The following KIRREL3 variants were observed in gnomAD, a reference collection of about 807,000 sequenced individuals.
KIRREL3 encodes the protein kirre like nephrin family adhesion molecule 3, also known as kin of IRRE-like protein 3.
KIRREL3 carries 36 observed loss-of-function variants against 89.7 expected under a neutral mutation model. The ratio of observed to expected loss-of-function variants is 0.40; its 90% CI spans 0.31 to 0.53. KIRREL3 has a LOEUF of 0.53. Among genes scored for constraint, KIRREL3 ranks in the 20% least tolerant of loss-of-function variants. KIRREL3 has a pLI of 0.49. For missense variants in KIRREL3, 864 were observed against 1,056.6 expected (o/e 0.82, Z 2.53); for synonymous variants, 445 against 441.4 (o/e 1.01, Z -0.10).
At chr11:126,552,630 C>T (rs1939376144) in intron 2 of KIRREL3, among the ~76,000 whole-genome samples, 1 of 127,964 alleles carries the variant, frequency 7.8e-6, no homozygotes, top group East Asian at 2.6e-4. Context: ...GGCACAATCT[C>T]GGCTCACTGA....
chr11:126,857,046 G>A (rs1012970085), intron 1 of KIRREL3, among the ~76,000 whole-genome samples: 4 of 152,178 alleles, frequency 2.6e-5, no homozygotes, highest in Non-Finnish European at 5.9e-5. Flanking sequence ...TCACATTTAC[G>A]TGCACCTATG....
rs1392045510 is a variant in KIRREL3, at chr11:126,948,792, T to C, written c.55+51663A>G. Among the ~76,000 whole-genome samples the C allele has an allele frequency of 6.6e-6, 1 of 152,168 alleles. No homozygotes were observed. Among genetic ancestry groups the C allele is most frequent in the Non-Finnish European group, 1.5e-5 (1 of 68,034 alleles). On this transcript the variant is annotated intron_variant, in intron 1 of 16. Transcript: ENST00000525144. This position sits in a 1 kb window ranked among gnomAD's most constrained non-coding sequence, Gnocchi z 4.5. ...AACTCCAGCAAGGCAGACAGCTGGA[T>C]ATGGGGAGGAGTTCAGAAGCCAGGG...
rs1291392292 is a variant in KIRREL3 at position 126,558,695 on chromosome 11, C to T, written c.133+4140G>A. 6.6e-6 allele frequency among the ~76,000 whole-genome samples: 1 copy of T among 152,158 alleles called. No homozygotes were observed. The highest frequency in any genetic ancestry group is 2.4e-5 in the African/African-American group (1 of 41,434). ...CTGATACATGTGACAGCCTTCTACT[C>T]TGCCTGGGAATAGGATCAGGTCTGG... On this transcript the variant is annotated intron_variant, in intron 2 of 16. Transcript: ENST00000525144. The surrounding 1 kb of genome is among the most constrained non-coding windows in gnomAD (Gnocchi z 4.0).
chr11:126,792,504 C>T (rs911934663), intron 1 of KIRREL3, among the ~76,000 whole-genome samples: 5 of 152,178 alleles, frequency 3.3e-5, no homozygotes, highest in African/African-American at 1.2e-4. Flanking sequence ...CCACTGGACT[C>T]TTAAGTTGAA....
chr11:126,995,433 C>T lies in KIRREL3; in HGVS notation c.55+5022G>A. ...AGTGCCTCTCTGTTTCTTGATGGAC[C>T]CCAATAAAAAAACGCCTGCACTGTT... On this transcript the variant is annotated intron_variant, in intron 1 of 16. Transcript: ENST00000525144. The surrounding 1 kb of genome is among the most constrained non-coding windows in gnomAD (Gnocchi z 6.5). The T allele has an allele frequency of 2.4e-6, 1 of 411,220 alleles. No individual in the cohort carries two copies. 25.5% of individuals were successfully genotyped at this position (411,220 alleles called of 1,614,324 possible). A position where few individuals can be genotyped will look rare whatever the true frequency, so the allele number is the denominator to read the frequency against.
rs1431297051 is a variant in KIRREL3 at position 126,427,590 on chromosome 11, G to A, written c.1806+1589C>T. On this transcript the variant is annotated intron_variant, in intron 15 of 16. Coordinates refer to ENST00000525144, the MANE Select transcript of KIRREL3 (RefSeq NM_032531.4). This position sits in a 1 kb window ranked among gnomAD's most constrained non-coding sequence, Gnocchi z 5.3. ...GGCCAGGAATCAAGCTCTTTGGCAT[G>A]TCTGGAAGGCCAGATGTACTTGGCC... 6.6e-6 allele frequency among the ~76,000 whole-genome samples: 1 copy of A among 152,224 alleles called. No individual in the cohort carries two copies. Among genetic ancestry groups the A allele is most frequent in the Non-Finnish European group, 1.5e-5 (1 of 68,040 alleles).
chr11:126,952,557 T>C (rs979641424), intron 1 of KIRREL3, among the ~76,000 whole-genome samples: 13 of 152,242 alleles, frequency 8.5e-5, no homozygotes, highest in Non-Finnish European at 1.3e-4. Context: ...TGATGGTTTC[T>C]TTTGCTATGC....
At chr11:126,648,976 C>T (rs1034734694) in intron 1 of KIRREL3, among the ~76,000 whole-genome samples, 2 of 152,154 alleles carry the variant, frequency 1.3e-5, no homozygotes, top group Admixed American at 1.3e-4. Flanking sequence ...TTTAATTGGA[C>T]TTACAGTTCC....
rs1946177421 is a variant in KIRREL3, at chr11:126,896,831, C to G, written c.55+103624G>C. On this transcript the variant is annotated intron_variant, in intron 1 of 16. Coordinates refer to ENST00000525144, the MANE Select transcript of KIRREL3 (RefSeq NM_032531.4). The surrounding 1 kb of genome is among the most constrained non-coding windows in gnomAD (Gnocchi z 4.1). ...ATCTTACCCAAGCGCGTGTTCTCCT[C>G]TTTCATAGCTTCCATTCTTACCCCC... 6.6e-6 allele frequency among the ~76,000 whole-genome samples: 1 copy of G among 152,172 alleles called. No individual in the cohort carries two copies. The highest frequency in any genetic ancestry group is 2.1e-4 in the South Asian group (1 of 4,828).
chr11:126,818,624 A>AGTGTGTGTGTGT (rs758712840), intron 1 of KIRREL3, among the ~76,000 whole-genome samples: 1 of 56,658 alleles, frequency 1.8e-5, no homozygotes, highest in Non-Finnish European at 3.2e-5. Context: ...TAGTAGTAGT[A>AGTGTGTGTGTGT]GTGTGTGTGT....
Position 126,837,358 on chromosome 11 carries a change from AAATATAGCTGAGAT to A in KIRREL3, c.55+163083_55+163096del. 6.6e-6 allele frequency among the ~76,000 whole-genome samples: 1 copy of A among 152,346 alleles called. No homozygotes were observed. The highest frequency in any genetic ancestry group is 1.5e-5 in the Non-Finnish European group (1 of 68,030). Reference sequence around the variant, plus strand: ...CTTGAGTACAAAGAAGAAAATTATCAAATATAGCTGAGATAATATTTCAAAACTCTGAATTCAAA... The same window carrying A: ...CTTGAGTACAAAGAAGAAAATTATCAAATATTTCAAAACTCTGAATTCAAA... On this transcript the variant is annotated intron_variant, in intron 1 of 16. Transcript: ENST00000525144. This position sits in a 1 kb window ranked among gnomAD's most constrained non-coding sequence, Gnocchi z 4.7.
chr11:126,697,538 C>G lies in KIRREL3; in HGVS notation c.56-134626G>C, dbSNP rs1264915715. ...GTGACACAACTGATGCTCAGTGGCT[C>G]TTTGTTTAATGAATGAATACATGAA... On this transcript the variant is annotated intron_variant, in intron 1 of 16. Coordinates refer to ENST00000525144, the MANE Select transcript of KIRREL3 (RefSeq NM_032531.4). This position sits in a 1 kb window ranked among gnomAD's most constrained non-coding sequence, Gnocchi z 4.2. 6.6e-6 allele frequency among the ~76,000 whole-genome samples: 1 copy of G among 152,218 alleles called. No individual in the cohort carries two copies. Among genetic ancestry groups the G allele is most frequent in the African/African-American group, 2.4e-5 (1 of 41,462 alleles).
intron 1 of KIRREL3, among the ~76,000 whole-genome samples, chr11:126,577,886 G>C (rs949145754): frequency 3.9e-5 from 6 of 152,114 alleles, no homozygotes; most frequent in Non-Finnish European, 8.8e-5. Context: ...CGAACAAAAA[G>C]TGTTTTTGAG....
intron 1 of KIRREL3, among the ~76,000 whole-genome samples, chr11:126,665,864 T>C (rs1300994130): frequency 2.0e-5 from 3 of 152,240 alleles, no homozygotes; most frequent in Non-Finnish European, 4.4e-5. Flanking sequence ...TTAATCTCTA[T>C]GTGCATTCAT....
intron 1 of KIRREL3, among the ~76,000 whole-genome samples, chr11:126,875,795 T>C (rs1250641159): frequency 6.6e-6 from 1 of 152,228 alleles, no homozygotes; most frequent in East Asian, 1.9e-4. Flanking sequence ...TACTTCACAA[T>C]TACAATATCA....
In KIRREL3 at chr11:126,904,774, C is replaced by T. The variant is rs183521476; in HGVS notation, c.55+95681G>A. ...CTCGTCTATTTTTATCCTATGTTCA[C>T]TCAATATTTGTAGCATTCTCTTTGC... On this transcript the variant is annotated intron_variant, in intron 1 of 16. Coordinates refer to ENST00000525144, the MANE Select transcript of KIRREL3 (RefSeq NM_032531.4). The surrounding 1 kb of genome is among the most constrained non-coding windows in gnomAD (Gnocchi z 4.4). 1.1e-4 allele frequency among the ~76,000 whole-genome samples: 16 copies of T among 152,294 alleles called. No homozygotes were observed.
rs1295025149 is a variant in KIRREL3 at position 126,522,787 on chromosome 11, TTCA to T, written c.284-1326_284-1324del. Reference sequence around the variant, plus strand: ...AACTGGACTCCAATCCCCGCTGTCTTTCATCTCTGTCCCGGTTCCCTTCTCTCC... The same window carrying T: ...AACTGGACTCCAATCCCCGCTGTCTTTCTCTGTCCCGGTTCCCTTCTCTCC... On this transcript the variant is annotated intron_variant, in intron 3 of 16. Transcript: ENST00000525144. This position sits in a 1 kb window ranked among gnomAD's most constrained non-coding sequence, Gnocchi z 6.0. Among the ~76,000 whole-genome samples the T allele has an allele frequency of 2.0e-5, 3 of 152,260 alleles. No individual in the cohort carries two copies. The highest frequency in any genetic ancestry group is 7.2e-5 in the African/African-American group (3 of 41,562).
chr11:126,988,104 G>A (rs1327135109), intron 1 of KIRREL3, among the ~76,000 whole-genome samples: 2 of 152,182 alleles, frequency 1.3e-5, no homozygotes, highest in Non-Finnish European at 2.9e-5. Flanking sequence ...TTTTTATGTA[G>A]AGTAGCTCCA....
Position 126,748,263 on chromosome 11 carries a change from C to T in KIRREL3, c.56-185351G>A, listed in dbSNP as rs1275082913. Among the ~76,000 whole-genome samples, 1 of 152,210 alleles carries T rather than the reference C, an allele frequency of 6.6e-6. No homozygotes were observed. Among genetic ancestry groups the T allele is most frequent in the African/African-American group, 2.4e-5 (1 of 41,454 alleles). On this transcript the variant is annotated intron_variant, in intron 1 of 16. Coordinates refer to ENST00000525144, the MANE Select transcript of KIRREL3 (RefSeq NM_032531.4). This position sits in a 1 kb window ranked among gnomAD's most constrained non-coding sequence, Gnocchi z 4.6. ...CTGTTTCACCAGCCACTTCCTTTTA[C>T]TCCCTTGCCCAGGCTTCAGCGGCAG... is the stretch of plus-strand genomic sequence containing the variant.
Sources: allele counts gnomAD v4.1 joint callset (sites outside exome capture counted in the v4.1 genomes callset), GRCh38; gene constraint gnomAD v4.1.1; non-coding constraint Gnocchi (gnomAD v3.1); transcripts MANE v1.5; gene names NCBI Gene and HGNC (gene_info 2026-07-23, HGNC 2026-07-21).